Variants in NDUFAF2 observed in about 807,000 individuals in gnomAD.
NDUFAF2 encodes NADH dehydrogenase [ubiquinone] 1 alpha subcomplex assembly factor 2.
Under a neutral mutation model 22.8 loss-of-function variants are expected in NDUFAF2, and 13 were observed. The ratio of observed to expected loss-of-function variants is 0.57; its 90% CI spans 0.37 to 0.91. The LOEUF is 0.91. NDUFAF2 is among the 40% of genes least tolerant of loss of function. The pLI is 0.01. For synonymous variants in NDUFAF2, 53 were observed against 64.2 expected, an observed-to-expected ratio of 0.83 and a Z score of 0.84; for missense variants, 162 against 195.2, an observed-to-expected ratio of 0.83 and a Z score of 1.01.
chr5:61,008,068 C>T (rs905143942), intron 1 of NDUFAF2, among the ~76,000 whole-genome samples: 4 of 147,752 alleles, frequency 2.7e-5, no homozygotes, highest in African/African-American at 1.0e-4. Context: ...AACCAAACAC[C>T]GCATCTTCTC....
intron 2 of NDUFAF2, among the ~76,000 whole-genome samples, chr5:61,079,256 C>G (rs1232488750): frequency 2.0e-5 from 3 of 152,162 alleles, no homozygotes; most frequent in Non-Finnish European, 4.4e-5. Flanking sequence ...AATTATTCAA[C>G]ATGTCTTTCT....
At chr5:61,125,961 A>G (rs981726239) in intron 3 of NDUFAF2, among the ~76,000 whole-genome samples, 2 of 152,062 alleles carry the variant, frequency 1.3e-5, no homozygotes, top group Non-Finnish European at 2.9e-5. Context: ...TATTGTTAGC[A>G]TAGAAATTCA....
intron 1 of NDUFAF2, among the ~76,000 whole-genome samples, chr5:61,008,203 A>G (rs1197142698): frequency 6.6e-6 from 1 of 150,996 alleles, no homozygotes; most frequent in Non-Finnish European, 1.5e-5. Context: ...CCTAATGCTA[A>G]TTGACGAGTT....
chr5:61,128,703 A>G (rs978452915), intron 3 of NDUFAF2, among the ~76,000 whole-genome samples: 6 of 152,240 alleles, frequency 3.9e-5, no homozygotes, highest in African/African-American at 1.4e-4. Context: ...ACCCTACAAG[A>G]AAACCTAGGC....
chr5:60,987,387 T>C (rs1355372444), intron 1 of NDUFAF2, among the ~76,000 whole-genome samples: 1 of 152,126 alleles, frequency 6.6e-6, no homozygotes, highest in African/African-American at 2.4e-5. Context: ...CTGAAGATAT[T>C]CCAAAAAATT....
At chr5:61,141,688 GAA>G (rs1368048855) in intron 3 of NDUFAF2, among the ~76,000 whole-genome samples, 1 of 152,040 alleles carries the variant, frequency 6.6e-6, no homozygotes, top group East Asian at 1.9e-4. Context: ...ATGAATGAAT[GAA>G]TGAAAAACAC....
At chr5:61,082,526 G>A (rs1752455862) in intron 2 of NDUFAF2, among the ~76,000 whole-genome samples, 1 of 152,094 alleles carries the variant, frequency 6.6e-6, no homozygotes, top group Non-Finnish European at 1.5e-5. Context: ...CACCCAAATA[G>A]TGAACATGGT....
chr5:61,042,396 CTATT>C (rs1205746574), intron 1 of NDUFAF2, among the ~76,000 whole-genome samples: 2 of 152,056 alleles, frequency 1.3e-5, no homozygotes, highest in East Asian at 1.9e-4. Context: ...GTAGAATAAA[CTATT>C]TGTGGAAAAA....
At chr5:61,078,217 A>G (rs1752393570) in intron 2 of NDUFAF2, among the ~76,000 whole-genome samples, 1 of 152,078 alleles carries the variant, frequency 6.6e-6, no homozygotes, top group Admixed American at 6.6e-5. Flanking sequence ...AAGATTTTTT[A>G]GAATAGGATC....
chr5:61,025,694 T>G (rs1359942432), intron 1 of NDUFAF2, among the ~76,000 whole-genome samples: 2 of 152,040 alleles, frequency 1.3e-5, no homozygotes, highest in Non-Finnish European at 2.9e-5. Context: ...AAGTTACTAG[T>G]CATTATTTTG....
chr5:61,016,221 A>G (rs1751509027), intron 1 of NDUFAF2, among the ~76,000 whole-genome samples: 1 of 152,026 alleles, frequency 6.6e-6, no homozygotes, highest in East Asian at 1.9e-4. Flanking sequence ...AAAATGATTT[A>G]CCTTTGGGAT....
At position 60,984,733 on chromosome 5, in the gene NDUFAF2, A is replaced by C. The variant is rs1354982208; in HGVS notation, c.127+39351A>C. 3.9e-5 allele frequency among the ~76,000 whole-genome samples: 6 copies of C among 152,332 alleles called. No homozygotes were observed. In the East Asian group the frequency reaches 1.2e-3, roughly 29 times the overall value. On this transcript the variant is annotated intron_variant, in intron 1 of 3. Coordinates refer to ENST00000296597, the MANE Select transcript of NDUFAF2 (RefSeq NM_174889.5). Reference sequence around the variant, plus strand: ...GTATGTTGAACCAGCCTTGCATCCCAGGGATGAAGCCCACTTGATCATGGT... The same window carrying C: ...GTATGTTGAACCAGCCTTGCATCCCCGGGATGAAGCCCACTTGATCATGGT...
At chr5:61,119,025 A>G (rs1453998147) in intron 3 of NDUFAF2, among the ~76,000 whole-genome samples, 2 of 152,196 alleles carry the variant, frequency 1.3e-5, no homozygotes, top group African/African-American at 4.8e-5. Flanking sequence ...TTAAAAGAAT[A>G]TACCGAAACC....
At chr5:61,100,032 A>C (rs1489367723) in intron 3 of NDUFAF2, among the ~76,000 whole-genome samples, 1 of 152,120 alleles carries the variant, frequency 6.6e-6, no homozygotes, top group African/African-American at 2.4e-5. Flanking sequence ...CTCTTGACCC[A>C]TTTCTAGCTT....
At chr5:61,070,657 CTT>C (rs1191741727) in intron 1 of NDUFAF2, among the ~76,000 whole-genome samples, 1 of 150,568 alleles carries the variant, frequency 6.6e-6, no homozygotes, top group Non-Finnish European at 1.5e-5. Context: ...ATAGGCATAA[CTT>C]TTGATTTTTT....
intron 1 of NDUFAF2, among the ~76,000 whole-genome samples, chr5:61,011,629 C>T (rs1751443646): frequency 6.6e-6 from 1 of 152,064 alleles, no homozygotes; most frequent in Non-Finnish European, 1.5e-5. Flanking sequence ...GCTTCTGAAC[C>T]TGTTTCTTCA....
At position 60,984,397 on chromosome 5, in the gene NDUFAF2, C is replaced by T. The variant is rs1031395931; in HGVS notation, c.127+39015C>T. Among the ~76,000 whole-genome samples the T allele has an allele frequency of 3.3e-5, 5 of 152,064 alleles. No individual in the cohort carries two copies. In the South Asian group the frequency reaches 8.3e-4, roughly 25 times the overall value. ...AATTGAATGCCCTTTATTTCCTTCT[C>T]CTGCCTGATTGCCCTGGCCAGAACT... On this transcript the variant is annotated intron_variant, in intron 1 of 3. Transcript: ENST00000296597.
chr5:60,972,540 G>GT (rs1454204370), intron 1 of NDUFAF2, among the ~76,000 whole-genome samples: 2 of 152,084 alleles, frequency 1.3e-5, no homozygotes, highest in Non-Finnish European at 2.9e-5. Flanking sequence ...GGCCTCCCAG[G>GT]TATGCGGAAC....
At position 61,012,481 on chromosome 5, in the gene NDUFAF2, A is replaced by G. The variant is rs1419555536; in HGVS notation, c.128-60644A>G. Among the ~76,000 whole-genome samples the G allele has an allele frequency of 2.0e-5, 3 of 152,240 alleles. No individual in the cohort carries two copies. In the East Asian group the frequency reaches 5.8e-4, roughly 29 times the overall value. On this transcript the variant is annotated intron_variant, in intron 1 of 3. Coordinates refer to ENST00000296597, the MANE Select transcript of NDUFAF2 (RefSeq NM_174889.5). Reference sequence around the variant, plus strand: ...GAAATTAAGTAAATATGCATGTGTAAATTCACAATTAAAATTTATTCTGTT... The same window carrying G: ...GAAATTAAGTAAATATGCATGTGTAGATTCACAATTAAAATTTATTCTGTT...
Sources: allele counts gnomAD v4.1 joint callset (sites outside exome capture counted in the v4.1 genomes callset), GRCh38; gene constraint gnomAD v4.1.1; transcripts MANE v1.5; gene names NCBI Gene and HGNC (gene_info 2026-07-23, HGNC 2026-07-21).